The following RAPGEF4 variants were observed in gnomAD, a reference collection of about 807,000 sequenced individuals.
The protein encoded by RAPGEF4 is Rap guanine nucleotide exchange factor 4.
In RAPGEF4, 66 loss-of-function variants were observed where a neutral mutation model predicts 147.9. The ratio of observed to expected loss-of-function variants is 0.45; its 90% confidence interval spans 0.37 to 0.55. The LOEUF (loss-of-function observed/expected upper bound fraction) is 0.55. Ranked by LOEUF, RAPGEF4 falls within the 20% of genes least tolerant of loss-of-function variation. The probability of loss-of-function intolerance (pLI) is 0.00; values close to 1 mark genes in which losing one functional copy is unlikely to be tolerated. For missense variants in RAPGEF4, 1,071 were observed against 1,257.3 expected (o/e 0.85, Z 2.24); for synonymous variants, 419 against 442.7 (o/e 0.95, Z 0.67).
intron 3 of RAPGEF4, among the ~76,000 whole-genome samples, chr2:172,798,397 A>T (rs1686611642): frequency 6.6e-6 from 1 of 152,188 alleles, no homozygotes; most frequent in South Asian, 2.1e-4. Context: ...AAATGTACAC[A>T]ACCTCACTGT....
intron 4 of RAPGEF4, among the ~76,000 whole-genome samples, chr2:172,849,931 A>C (rs2149731889): frequency 6.6e-6 from 1 of 152,320 alleles, no homozygotes; most frequent in South Asian, 2.1e-4. Context: ...CACAGATAGG[A>C]GTTGGGGAAA....
At chr2:172,838,916 A>C (rs759558655) in intron 4 of RAPGEF4, among the ~76,000 whole-genome samples, 3 of 152,080 alleles carry the variant, frequency 2.0e-5, no homozygotes, top group Non-Finnish European at 2.9e-5. Flanking sequence ...TTTTCTTAAG[A>C]AGCACAAATT....
intron 6 of RAPGEF4, among the ~76,000 whole-genome samples, chr2:172,923,986 T>A (rs1685023381): frequency 6.6e-6 from 1 of 152,230 alleles, no homozygotes; most frequent in East Asian, 1.9e-4. Flanking sequence ...AATCTTTGTA[T>A]GTTGAGTCAA....
chr2:173,051,191 G>T (rs187828111), intron 30 of RAPGEF4, among the ~76,000 whole-genome samples: 42 of 152,324 alleles, frequency 2.8e-4, no homozygotes, highest in Non-Finnish European at 5.3e-4. Context: ...AGTCTCACTG[G>T]CTTGCTTCAG....
intron 4 of RAPGEF4, among the ~76,000 whole-genome samples, chr2:172,909,872 A>T (rs995039158): frequency 6.6e-6 from 1 of 152,138 alleles, no homozygotes; most frequent in Non-Finnish European, 1.5e-5. Flanking sequence ...AATAAGGCCT[A>T]CTAGAAGACT....
rs748458804 is a variant in RAPGEF4, at chr2:173,030,200, C to T, written c.2595C>T (p.Ala865=). 13 of 1,613,336 alleles carry T rather than the reference C, an allele frequency of 8.1e-6. No homozygotes were observed. The highest frequency in any genetic ancestry group is 1.7e-5 in the Admixed American group (1 of 59,958). The change falls in exon 26 of 31, where the codon GCC becomes GCT. Residue 865 remains alanine (A), a synonymous_variant. Transcript: ENST00000397081. ...ATAAAAATCTGAATTCCTTTTTTGC[C>T]ATCGTCATGGGACTAAGTAACGTTG... is the stretch of plus-strand genomic sequence containing the variant. ...KEYKNLNSFF[A]IVMGLSNVAV...
intron 4 of RAPGEF4, among the ~76,000 whole-genome samples, chr2:172,875,237 A>G (rs900720401): frequency 5.5e-4 from 84 of 152,204 alleles, no homozygotes; most frequent in African/African-American, 2.0e-3. Context: ...GCTGTGCAGA[A>G]GCTCTTTAGT....
chr2:172,835,153 A>AAG (rs1487191506), intron 4 of RAPGEF4, among the ~76,000 whole-genome samples: 1 of 152,208 alleles, frequency 6.6e-6, no homozygotes, highest in Non-Finnish European at 1.5e-5. Context: ...GCGTCTAAGC[A>AAG]AGAGTAAATA....
intron 1 of RAPGEF4, among the ~76,000 whole-genome samples, chr2:172,751,176 G>A (rs192537777): frequency 4.1e-4 from 63 of 152,282 alleles, no homozygotes; most frequent in African/African-American, 1.5e-3. Flanking sequence ...AAAAGGATCT[G>A]ATTGTAGTAA....
chr2:172,831,286 G>A, intron 4 of RAPGEF4, among the ~76,000 whole-genome samples: 1 of 6,144 alleles, frequency 1.6e-4, no homozygotes, highest in Non-Finnish European at 4.5e-4. Context: ...TTTTTTTTTT[G>A]AGACAGAGTT....
At chr2:172,924,387 C>G (rs1211183716) in intron 6 of RAPGEF4, among the ~76,000 whole-genome samples, 1 of 152,198 alleles carries the variant, frequency 6.6e-6, no homozygotes, top group Non-Finnish European at 1.5e-5. Context: ...ATGAGCTCGT[C>G]AGATACAATG....
chr2:172,996,377 T>TAAAA, intron 15 of RAPGEF4, 89 bp from the exon 16 acceptor site: 8 of 576,354 alleles, frequency 1.4e-5, no homozygotes, highest in Admixed American at 3.8e-5. Flanking sequence ...GATCTCAAAT[T>TAAAA]AAAAAAAAAA....
intron 6 of RAPGEF4, among the ~76,000 whole-genome samples, chr2:172,947,499 G>A (rs1407757515): frequency 6.6e-6 from 1 of 152,152 alleles, no homozygotes; most frequent in African/African-American, 2.4e-5. Flanking sequence ...ACCTCCTGCT[G>A]AAGACTCCCC....
At position 172,965,625 on chromosome 2, in the gene RAPGEF4, C is replaced by T; in HGVS notation, c.762C>T (p.Ser254=). ...TGCAGCAGACACCATGTGTTCACTC[C>T]CGGACTCAAGCTGTTGGCATGTGGC... is the stretch of plus-strand genomic sequence containing the variant. ...WMMQQTPCVH[S]RTQAVGMWQV... Residue 254 remains serine, a synonymous_variant, in exon 9 of 31, where the codon TCC becomes TCT. Transcript: ENST00000397081. 1 of 1,614,100 alleles carries T rather than the reference C, an allele frequency of 6.2e-7. No homozygotes were observed. Among genetic ancestry groups the T allele is most frequent in the Non-Finnish European group, 8.5e-7 (1 of 1,179,992 alleles).
At chr2:172,783,448 T>C (rs1029166433) in intron 1 of RAPGEF4, among the ~76,000 whole-genome samples, 1 of 152,152 alleles carries the variant, frequency 6.6e-6, no homozygotes, top group African/African-American at 2.4e-5. Context: ...AGACTCCACG[T>C]GCTCTGCTCC....
intron 1 of RAPGEF4, among the ~76,000 whole-genome samples, chr2:172,750,207 C>T (rs1223564909): frequency 1.3e-5 from 2 of 152,046 alleles, no homozygotes; most frequent in Non-Finnish European, 2.9e-5. Flanking sequence ...ACCCCACTCT[C>T]CTGGTACCAA....
At chr2:172,773,012 T>C (rs1419564545) in intron 1 of RAPGEF4, among the ~76,000 whole-genome samples, 1 of 152,232 alleles carries the variant, frequency 6.6e-6, no homozygotes, top group Non-Finnish European at 1.5e-5. Context: ...TCCATGTGAA[T>C]GACTGGATTA....
chr2:172,920,027 A>G (rs1247730159), intron 5 of RAPGEF4, among the ~76,000 whole-genome samples: 3 of 152,012 alleles, frequency 2.0e-5, no homozygotes, highest in African/African-American at 7.3e-5. Flanking sequence ...AACCTTCACT[A>G]TCTCACCCTT....
chr2:172,917,808 C>G lies in RAPGEF4; in HGVS notation c.451C>G (p.Arg151Gly). 6.2e-7 allele frequency: 1 copy of G among 1,612,486 alleles called. No individual in the cohort carries two copies. The highest frequency in any genetic ancestry group is 8.5e-7 in the Non-Finnish European group (1 of 1,178,580). The stretch of plus-strand genomic sequence containing the variant: ...TTACAATCTTGTCTTTCAGAAATAT[C>G]GACAGTATATGGCAGGACTTCTGGC... Reference protein sequence around the residue: ...KDFKALWEKYRQYMAGLLAPP... With the variant: ...KDFKALWEKYGQYMAGLLAPP... The change falls in exon 5 of 31, where the codon CGA becomes GGA. Residue 151 changes from arginine (R) to glycine (G), a missense_variant. Transcript: ENST00000397081.
Sources: allele counts gnomAD v4.1 joint callset (sites outside exome capture counted in the v4.1 genomes callset), GRCh38; gene constraint gnomAD v4.1.1; transcripts MANE v1.5; gene names NCBI Gene and HGNC (gene_info 2026-07-23, HGNC 2026-07-21).